CYP4F11: variants seen among roughly 807,000 people sequenced by gnomAD.
CYP4F11 encodes the protein cytochrome P450 4F11.
In CYP4F11, 79 loss-of-function variants were observed where a neutral mutation model predicts 62.2. The ratio of observed to expected loss-of-function variants is 1.27; its 90% CI spans 1.06 to 1.53. The LOEUF is 1.53. Ranked by LOEUF, CYP4F11 falls within the 40% of genes most tolerant of loss-of-function variation. CYP4F11 has a pLI of 0.00. For synonymous variants in CYP4F11, 290 were observed against 263.7 expected (o/e 1.10, Z -0.97); for missense variants, 777 against 680.5 (o/e 1.14, Z -1.58).
intron 8 of CYP4F11, among the ~76,000 whole-genome samples, chr19:15,919,517 T>C (rs142606184): frequency 5.8e-4 from 77 of 133,872 alleles, no homozygotes; most frequent in African/African-American, 1.8e-3. Flanking sequence ...GATAGATAGA[T>C]AGATAGACAG....
In CYP4F11 at chr19:15,934,453, G is replaced by T. The variant is rs1234188252; in HGVS notation, c.-45C>A. The T allele has an allele frequency of 6.2e-7, 1 of 1,603,462 alleles. No individual in the cohort carries two copies. Among genetic ancestry groups the T allele is most frequent in the African/African-American group, 1.3e-5 (1 of 74,252 alleles). ...GGAGGGTGGGATCCTGAGGCCCAGG[G>T]AAGGGCCCAGGAAGCTCCAAGGACA... On this transcript the variant is annotated 5_prime_UTR_variant, in exon 1 of 12. Coordinates refer to ENST00000402119, the MANE Select transcript of CYP4F11 (RefSeq NM_021187.4).
intron 1 of CYP4F11, among the ~76,000 whole-genome samples, chr19:15,931,248 C>G (rs995173063): frequency 4.0e-5 from 6 of 151,816 alleles, no homozygotes; most frequent in Admixed American, 6.6e-5. Context: ...TGGAAAGGGG[C>G]TCAGAGCTAA....
chr19:15,914,781 G>A lies in CYP4F11; in HGVS notation c.1230C>T (p.Asp410=), dbSNP rs150098509. Residue 410 remains aspartate (D), a synonymous_variant, in exon 9 of 12, where the codon GAC becomes GAT. Coordinates refer to ENST00000402119, the MANE Select transcript of CYP4F11 (RefSeq NM_021187.4). ...RCCTQDFVLP[D]GRVIPKGIVC... ...GAGCACCTTTGGGGATGACGCGGCCGTCTGGGAGCACAAAGTCCTGCGTGC... is the reference window on the plus strand; with the variant it reads ...GAGCACCTTTGGGGATGACGCGGCCATCTGGGAGCACAAAGTCCTGCGTGC... 1.8e-4 allele frequency: 284 copies of A among 1,614,052 alleles called. No individual in the cohort carries two copies. The highest frequency in any genetic ancestry group is 2.1e-4 in the Non-Finnish European group (242 of 1,180,028).
intron 2 of CYP4F11, 104 bp from the exon 3 acceptor site, chr19:15,927,587 A>C: frequency 6.8e-7 from 1 of 1,474,384 alleles, no homozygotes; most frequent in Non-Finnish European, 9.3e-7. Flanking sequence ...CACGCATCCC[A>C]CCCAGCATAG....
At chr19:15,931,095 G>A (rs1327677068) in intron 1 of CYP4F11, among the ~76,000 whole-genome samples, 1 of 149,240 alleles carries the variant, frequency 6.7e-6, no homozygotes, top group Non-Finnish European at 1.5e-5. Context: ...AGAAGGGAGT[G>A]GCCAACTTTT....
At position 15,927,478 on chromosome 19, in the gene CYP4F11, C is replaced by T. The variant is rs1346626723; in HGVS notation, c.349G>A (p.Val117Ile). 6.2e-7 allele frequency: 1 copy of T among 1,614,138 alleles called. No individual in the cohort carries two copies. Among genetic ancestry groups the T allele is most frequent in the South Asian group, 1.1e-5 (1 of 91,090 alleles). Residue 117 changes from valine to isoleucine, a missense_variant, in exon 3 of 12, where the codon GTC becomes ATC. By Grantham distance (29) the Val-to-Ile change is conservative (BLOSUM62 3). Coordinates refer to ENST00000402119, the MANE Select transcript of CYP4F11 (RefSeq NM_021187.4). ...IRPITSASAA[V>I]APKDMIFYGF... is the part of the protein sequence containing the mutation. ...TAGAAAATCATATCCTTGGGTGCGACAGCAGCTGACATGATTGAGGACCAT... is the reference window on the plus strand; with the variant it reads ...TAGAAAATCATATCCTTGGGTGCGATAGCAGCTGACATGATTGAGGACCAT...
chr19:15,912,668 G>GAAAAAAATAA lies in CYP4F11; in HGVS notation c.*1063_*1064insTTATTTTTTT. On this transcript the variant is annotated 3_prime_UTR_variant, in exon 12 of 12. Transcript: ENST00000402119. ...AGTCAGGTACCTTCACCATCCTCAG[G>GAAAAAAATAA]AAAAAAAAAAAAATATATATATATA... The GAAAAAAATAA allele has an allele frequency of 1.7e-5, 1 of 59,796 alleles. No homozygotes were observed. The highest frequency in any genetic ancestry group is 3.8e-4 in the East Asian group (1 of 2,612). The allele number at this position is 59,796 out of a possible 1,614,324, so 3.7% of individuals were successfully genotyped here. A position where few individuals can be genotyped will look rare whatever the true frequency, so the allele number is the denominator to read the frequency against.
chr19:15,912,788 T>TGTGTG lies in CYP4F11; in HGVS notation c.*943_*944insCACAC, dbSNP rs1261288089. 11 of 96,858 alleles carry TGTGTG rather than the reference T, an allele frequency of 1.1e-4. No homozygotes were observed. The highest frequency in any genetic ancestry group is 7.7e-4 in the South Asian group (2 of 2,596). The allele number at this position is 96,858 out of a possible 1,614,324, so 6.0% of individuals were successfully genotyped here. ...GTGTGTGTGTATATATATATATATA[T>TGTGTG]AATATATATATATATATACATATCT... On this transcript the variant is annotated 3_prime_UTR_variant, in exon 12 of 12. Coordinates refer to ENST00000402119, the MANE Select transcript of CYP4F11 (RefSeq NM_021187.4).
Position 15,927,278 on chromosome 19 carries a change from AGGCGTCAACATCCGACGGTGGC to A in CYP4F11, c.437_458del (p.Arg146LeufsTer8), listed in dbSNP as rs2089676545. 1 of 1,613,874 alleles carries A rather than the reference AGGCGTCAACATCCGACGGTGGC, an allele frequency of 6.2e-7. No individual in the cohort carries two copies. The highest frequency in any genetic ancestry group is 1.7e-5 in the Admixed American group (1 of 60,002). On this transcript the variant is annotated frameshift_variant, in exon 4 of 12. Transcript: ENST00000402119. LOFTEE classifies it high-confidence loss of function. ...GCTTCAAGATGTTGAAATGGAAGGC[AGGCGTCAACATCCGACGGTGGC>A]GGCTCCACTTGTCACCACCACTCAG...
chr19:15,931,621 C>T (rs199673338), intron 1 of CYP4F11, among the ~76,000 whole-genome samples: 3,489 of 23,032 alleles, frequency 0.15, 37 homozygotes, highest in African/African-American at 0.18. Flanking sequence ...AATGAGTGAG[C>T]GAGGAGAGGA....
Position 15,913,074 on chromosome 19 carries a change from T to C in CYP4F11, c.*658A>G, listed in dbSNP as rs1162305328. Reference sequence around the variant, plus strand: ...CCCTGATATAGGTAATGCTGTTGTCTCCATTATATGGTTGAGGGAACCGAG... The same window carrying C: ...CCCTGATATAGGTAATGCTGTTGTCCCCATTATATGGTTGAGGGAACCGAG... On this transcript the variant is annotated 3_prime_UTR_variant, in exon 12 of 12. Transcript: ENST00000402119. 1.9e-5 allele frequency: 3 copies of C among 154,658 alleles called. No homozygotes were observed. Among genetic ancestry groups the C allele is most frequent in the African/African-American group, 7.3e-5 (3 of 41,362 alleles). 9.6% of individuals were successfully genotyped at this position (154,658 alleles called of 1,614,324 possible). A position where few individuals can be genotyped will look rare whatever the true frequency, so the allele number is the denominator to read the frequency against.
intron 2 of CYP4F11, 23 bp from the exon 3 acceptor site, chr19:15,927,506 G>C (rs1317775807): frequency 3.1e-6 from 5 of 1,612,932 alleles, no homozygotes; most frequent in Non-Finnish European, 4.2e-6. Context: ...AGGACCATCA[G>C]TGGCCATGGA....
chr19:15,931,182 G>A (rs961048909), intron 1 of CYP4F11, among the ~76,000 whole-genome samples: 1 of 151,894 alleles, frequency 6.6e-6, no homozygotes, highest in East Asian at 1.9e-4. Flanking sequence ...CTCCAGAAAA[G>A]GAGGCAGCGG....
At chr19:15,918,784 A>G (rs1275877021) in intron 8 of CYP4F11, among the ~76,000 whole-genome samples, 2 of 152,210 alleles carry the variant, frequency 1.3e-5, no homozygotes, top group African/African-American at 4.8e-5. Context: ...GAAACAGGTC[A>G]CTAGCTGTGT....
rs1012886356 is a variant in CYP4F11 at position 15,927,239 on chromosome 19, A to C, written c.498T>G (p.Ile166Met). 6.2e-7 allele frequency: 1 copy of C among 1,613,996 alleles called. No individual in the cohort carries two copies. The highest frequency in any genetic ancestry group is 1.7e-5 in the Admixed American group (1 of 59,998). Reference protein sequence around the residue: ...HFNILKPYMKIFNKSVNIMHD... With the variant: ...HFNILKPYMKMFNKSVNIMHD... ...GCATGATGTTCACACTCTTGTTGAA[A>C]ATCTTCATATAAGGCTTCAAGATGT... The change falls in exon 4 of 12, where the codon ATT (isoleucine) becomes ATG (methionine). Residue 166 changes from isoleucine to methionine, a missense_variant. Transcript: ENST00000402119.
chr19:15,919,351 A>G (rs957416448), intron 8 of CYP4F11, among the ~76,000 whole-genome samples: 1 of 147,778 alleles, frequency 6.8e-6, no homozygotes, highest in African/African-American at 2.5e-5. Context: ...AGATCGATGG[A>G]TGGATAGATA....
intron 4 of CYP4F11, among the ~76,000 whole-genome samples, chr19:15,926,519 G>C (rs1231025436): frequency 6.6e-6 from 1 of 152,196 alleles, no homozygotes; most frequent in African/African-American, 2.4e-5. Flanking sequence ...AAGAGATGGA[G>C]ACTGTTTTAT....
rs2089633328 is a variant in CYP4F11 at position 15,922,062 on chromosome 19, C to A, written c.1090G>T (p.Asp364Tyr). 6.2e-7 allele frequency: 1 copy of A among 1,612,572 alleles called. No individual in the cohort carries two copies. The highest frequency in any genetic ancestry group is 1.3e-5 in the African/African-American group (1 of 74,874). ...CRQEVQELLK[D>Y]REPIEIEWDD... ...CATTCAATCTCTATAGGTTCACGGT[C>A]CTTCAGAAGCTCTTGCACTTCTTGC... Residue 364 changes from aspartate (D) to tyrosine (Y), a missense_variant, in exon 8 of 12, where the codon GAC becomes TAC. Transcript: ENST00000402119.
intron 1 of CYP4F11, among the ~76,000 whole-genome samples, chr19:15,930,029 A>G (rs1353317988): frequency 6.7e-6 from 1 of 149,836 alleles, no homozygotes; most frequent in Non-Finnish European, 1.5e-5. Context: ...ACATTTTCCA[A>G]TTTCCGTAAT....
Sources: allele counts gnomAD v4.1 joint callset (sites outside exome capture counted in the v4.1 genomes callset), GRCh38; gene constraint gnomAD v4.1.1; transcripts MANE v1.5; gene names NCBI Gene and HGNC (gene_info 2026-07-23, HGNC 2026-07-21).